AP3B1: variants seen among roughly 807,000 people sequenced by gnomAD.
The protein encoded by AP3B1 is AP-3 complex subunit beta-1.
AP3B1 carries 61 observed loss-of-function variants against 132.5 expected under a neutral mutation model. The ratio of observed to expected loss-of-function variants is 0.46; its 90% confidence interval spans 0.37 to 0.57. The LOEUF (loss-of-function observed/expected upper bound fraction) is 0.57, where lower values mean the gene tolerates loss of function less well. Among genes scored for constraint, AP3B1 ranks in the 20% least tolerant of loss-of-function variants. The pLI is 0.00. For synonymous variants in AP3B1, 388 were observed against 438.3 expected, an observed-to-expected ratio of 0.89 and a Z score of 1.43; for missense variants, 1,120 against 1,289.4, an observed-to-expected ratio of 0.87 and a Z score of 2.01.
chr5:78,004,965 C>T (rs1233944041), intron 26 of AP3B1, among the ~76,000 whole-genome samples: 1 of 152,168 alleles, frequency 6.6e-6, no homozygotes, highest in Non-Finnish European at 1.5e-5. Context: ...ATCACCAGCC[C>T]TAAAATGATC....
intron 2 of AP3B1, among the ~76,000 whole-genome samples, chr5:78,261,237 A>T (rs1201700869): frequency 3.3e-5 from 5 of 152,212 alleles, no homozygotes; most frequent in Non-Finnish European, 5.9e-5. Context: ...GCAATGCATA[A>T]GAGTTCTTAT....
At position 78,096,183 on chromosome 5, in the gene AP3B1, G is replaced by A. The variant is rs931237602; in HGVS notation, c.2470+4770C>T. ...GCGCCGCCATGCCTGGCTGGTTTTCGTATTTTTTTGGTGGAGACGGGGTTT... is the reference window on the plus strand; with the variant it reads ...GCGCCGCCATGCCTGGCTGGTTTTCATATTTTTTTGGTGGAGACGGGGTTT... On this transcript the variant is annotated intron_variant, in intron 21 of 26. Coordinates refer to ENST00000255194, the MANE Select transcript of AP3B1 (RefSeq NM_003664.5). 7.9e-5 allele frequency among the ~76,000 whole-genome samples: 12 copies of A among 152,192 alleles called. 1 individual carries two copies. Among genetic ancestry groups the A allele is most frequent in the Middle Eastern group, 3.2e-3 (1 of 316 alleles).
At chr5:78,048,687 T>C (rs1278630761) in intron 22 of AP3B1, among the ~76,000 whole-genome samples, 1 of 152,204 alleles carries the variant, frequency 6.6e-6, no homozygotes, top group Non-Finnish European at 1.5e-5. Context: ...ACAGAGAAAC[T>C]AGCTGGTAAC....
chr5:78,104,816 C>T (rs1389685225), intron 20 of AP3B1, among the ~76,000 whole-genome samples: 1 of 152,082 alleles, frequency 6.6e-6, no homozygotes, highest in Non-Finnish European at 1.5e-5. Context: ...GTTAGAGCAC[C>T]TAAGAGATTC....
chr5:78,066,164 G>A (rs1198538838), intron 22 of AP3B1, among the ~76,000 whole-genome samples: 1 of 150,582 alleles, frequency 6.6e-6, no homozygotes, highest in Non-Finnish European at 1.5e-5. Context: ...CCATCCAAAG[G>A]TCAGCAGCCT....
chr5:78,067,696 G>T (rs947472357), intron 22 of AP3B1, among the ~76,000 whole-genome samples: 4 of 152,126 alleles, frequency 2.6e-5, no homozygotes, highest in Non-Finnish European at 5.9e-5. Context: ...CAGAAATCAA[G>T]AAGTTCTTTG....
chr5:78,095,108 G>A (rs537868542), intron 21 of AP3B1, among the ~76,000 whole-genome samples: 42 of 152,286 alleles, frequency 2.8e-4, no homozygotes. Context: ...CAATCTAATT[G>A]CCAGTTTATC....
chr5:78,097,326 A>G (rs1580342802), intron 21 of AP3B1, among the ~76,000 whole-genome samples: 3 of 116,670 alleles, frequency 2.6e-5, no homozygotes, highest in Admixed American at 8.1e-5. Flanking sequence ...CCCGTCCGGG[A>G]GGGAGGTGGG....
Position 78,227,498 on chromosome 5 carries a change from CT to C in AP3B1, c.409del (p.Arg137GlufsTer15). The C allele has an allele frequency of 1.2e-6, 2 of 1,613,768 alleles. No homozygotes were observed. Among genetic ancestry groups the C allele is most frequent in the Non-Finnish European group, 1.7e-6 (2 of 1,179,764 alleles). On this transcript the variant is annotated frameshift_variant, in exon 5 of 27. Transcript: ENST00000255194. LOFTEE classifies it high-confidence loss of function. The part of the protein sequence containing the change: ...PNQLIRASAL[R>X]VLSSIRVPII... Reference sequence around the variant, plus strand: ...TGGCACTCTAATACTTGACAGAACTCTCAAAGCGCTTGCACGAATTAGTTGG... The same window carrying C: ...TGGCACTCTAATACTTGACAGAACTCCAAAGCGCTTGCACGAATTAGTTGG...
rs116720994 is a variant in AP3B1, at chr5:78,025,413, C to A, written c.2895-4624G>T. ...AAAGCGATCCTGAAATGTCCCTCCT[C>A]GCAACAAGCAAGGCGTTAGAGAGCC... On this transcript the variant is annotated intron_variant, in intron 24 of 26. Coordinates refer to ENST00000255194, the MANE Select transcript of AP3B1 (RefSeq NM_003664.5). 7.9e-3 allele frequency among the ~76,000 whole-genome samples: 1,201 copies of A among 152,250 alleles called. 12 individuals are homozygous for A. The highest frequency in any genetic ancestry group is 0.027 in the African/African-American group (1,142 of 41,552).
intron 16 of AP3B1, 141 bp downstream of exon 16, chr5:78,128,980 G>A (rs1212717274): frequency 2.8e-6 from 2 of 725,004 alleles, no homozygotes; most frequent in Non-Finnish European, 4.3e-6. Flanking sequence ...TGAATGAGTA[G>A]AAAGCATGCT....
At chr5:78,273,751 C>T (rs1301309257) in intron 1 of AP3B1, among the ~76,000 whole-genome samples, 1 of 152,034 alleles carries the variant, frequency 6.6e-6, no homozygotes, top group Non-Finnish European at 1.5e-5. Flanking sequence ...AAGAGCCACA[C>T]AGAGTGCTAA....
intron 23 of AP3B1, among the ~76,000 whole-genome samples, chr5:78,037,529 T>G (rs1213129598): frequency 6.6e-6 from 1 of 152,196 alleles, no homozygotes; most frequent in Non-Finnish European, 1.5e-5. Context: ...TTTACCAGGC[T>G]TTATCAAAAA....
At chr5:78,007,165 C>T (rs1746430537) in intron 26 of AP3B1, among the ~76,000 whole-genome samples, 1 of 152,134 alleles carries the variant, frequency 6.6e-6, no homozygotes, top group African/African-American at 2.4e-5. Flanking sequence ...TCCTATAATT[C>T]AATTGTTCTA....
In AP3B1 at chr5:78,095,384, A is replaced by C. The variant is rs577502055; in HGVS notation, c.2470+5569T>G. ...CTTTCAAGATTAATCTAATTCTCAC[A>C]GTTGAGAACTAAAGCCACTGGAGAG... On this transcript the variant is annotated intron_variant, in intron 21 of 26. Transcript: ENST00000255194. Among the ~76,000 whole-genome samples the C allele has an allele frequency of 5.9e-5, 9 of 152,344 alleles. No homozygotes were observed. The South Asian group carries it at 1.4e-3, about 25-fold the overall frequency.
chr5:78,096,030 C>T (rs576646248), intron 21 of AP3B1, among the ~76,000 whole-genome samples: 32 of 152,324 alleles, frequency 2.1e-4, no homozygotes, highest in African/African-American at 7.7e-4. Flanking sequence ...CTTTCCCTCT[C>T]CCTCTCCCCA....
chr5:78,248,510 A>G (rs941507170), intron 2 of AP3B1, among the ~76,000 whole-genome samples: 3 of 151,128 alleles, frequency 2.0e-5, no homozygotes, highest in East Asian at 1.9e-4. Context: ...AAAAAAAAAA[A>G]AAAAAAGAAA....
chr5:78,196,100 G>A (rs1005220825), intron 7 of AP3B1, among the ~76,000 whole-genome samples: 1 of 152,102 alleles, frequency 6.6e-6, no homozygotes, highest in Admixed American at 6.6e-5. Context: ...ACAAGCCACA[G>A]ACTGGGAGAA....
intron 24 of AP3B1, among the ~76,000 whole-genome samples, chr5:78,026,882 C>T (rs1747360100): frequency 6.6e-6 from 1 of 152,118 alleles, no homozygotes. Flanking sequence ...TGTTGAACAT[C>T]TTTTTCAAAT....
Sources: allele counts gnomAD v4.1 joint callset (sites outside exome capture counted in the v4.1 genomes callset), GRCh38; gene constraint gnomAD v4.1.1; transcripts MANE v1.5; gene names NCBI Gene and HGNC (gene_info 2026-07-23, HGNC 2026-07-21).